The following TRPM7 variants were observed in gnomAD, a reference collection of about 807,000 sequenced individuals.
TRPM7 encodes transient receptor potential cation channel subfamily M member 7.
TRPM7 carries 134 observed loss-of-function variants against 229.7 expected under a neutral mutation model. The ratio of observed to expected loss-of-function variants is 0.58; its 90% CI spans 0.51 to 0.67. TRPM7 has a LOEUF of 0.67. Among genes scored for constraint, TRPM7 ranks in the 30% least tolerant of loss-of-function variants. The pLI is 0.00. For missense variants in TRPM7, 1,901 were observed against 2,210.0 expected (o/e 0.86, Z 2.80); for synonymous variants, 699 against 715.2 (o/e 0.98, Z 0.36).
chr15:50,608,277 G>T (rs1240995918), intron 19 of TRPM7, among the ~76,000 whole-genome samples: 1 of 152,088 alleles, frequency 6.6e-6, no homozygotes, highest in Non-Finnish European at 1.5e-5. Flanking sequence ...ATAAATACAT[G>T]TGAGTATTTA....
Position 50,587,342 on chromosome 15 carries a change from A to T in TRPM7, c.4390-854T>A, listed in dbSNP as rs117710436. On this transcript the variant is annotated intron_variant, in intron 27 of 38. Transcript: ENST00000646667. ...ACTTAAATCTCTACATTTTCCCTTA[A>T]TATTTTTCTATTATTTATGTGTTTG... 1.2e-3 allele frequency among the ~76,000 whole-genome samples: 181 copies of T among 146,804 alleles called. 2 individuals carry two copies. The East Asian group carries it at 0.031, about 25-fold the overall frequency.
chr15:50,653,752 CAAG>C (rs562933615), intron 3 of TRPM7, among the ~76,000 whole-genome samples: 376 of 152,050 alleles, frequency 2.5e-3, no homozygotes, highest in African/African-American at 8.7e-3. Context: ...GCTATAAAGA[CAAG>C]AAGGAAAAAA....
Position 50,637,433 on chromosome 15 carries a change from C to A in TRPM7, c.821G>T (p.Arg274Ile), listed in dbSNP as rs1388509156. ...GTGAATTCACTTACTAGCATGAATT[C>A]TTTGCTGATTAATAGTTTTTTCAAG... is the stretch of plus-strand genomic sequence containing the variant. ...RELEKTINQQ[R>I]IHARIGQGVP... Residue 274 changes from arginine (R) to isoleucine (I), a missense_variant, in exon 7 of 39, where the codon AGA becomes ATA. By Grantham distance (97) the Arg-to-Ile change is moderately conservative. This residue lies in a region of TRPM7 where 794 missense variants were observed against 881.9 expected (regional missense o/e 0.90). Transcript: ENST00000646667. The A allele has an allele frequency of 2.5e-6, 4 of 1,612,962 alleles. No individual in the cohort carries two copies. The highest frequency in any genetic ancestry group is 1.1e-5 in the South Asian group (1 of 90,792).
chr15:50,678,239 CAAAAAAAA>C (rs527874854), intron 1 of TRPM7, among the ~76,000 whole-genome samples: 1 of 92,080 alleles, frequency 1.1e-5, no homozygotes, highest in Non-Finnish European at 2.3e-5. Flanking sequence ...GACTCTCTCT[CAAAAAAAA>C]AAAACAAAAA....
chr15:50,561,452 T>C lies in TRPM7; in HGVS notation c.*226A>G. 2.2e-6 allele frequency: 1 copy of C among 450,702 alleles called. No individual in the cohort carries two copies. The highest frequency in any genetic ancestry group is 3.9e-6 in the Non-Finnish European group (1 of 258,010). The allele number at this position is 450,702 out of a possible 1,614,324, so 27.9% of individuals were successfully genotyped here. On this transcript the variant is annotated 3_prime_UTR_variant, in exon 39 of 39. Transcript: ENST00000646667. The stretch of plus-strand genomic sequence containing the variant: ...CCCTTTAAAAAGTTATAAATACTAA[T>C]TATCAATTACCTTTAAAATTTCTCA...
intron 2 of TRPM7, among the ~76,000 whole-genome samples, chr15:50,662,395 C>T (rs987166293): frequency 2.1e-4 from 32 of 151,186 alleles, no homozygotes; most frequent in Non-Finnish European, 4.6e-4. Context: ...ATGAGCTCAA[C>T]TTTTTCTTCA....
intron 22 of TRPM7, among the ~76,000 whole-genome samples, chr15:50,598,635 A>C (rs2059693755): frequency 6.6e-6 from 1 of 152,214 alleles, no homozygotes; most frequent in Non-Finnish European, 1.5e-5. Flanking sequence ...GCTGAAGCCA[A>C]CTCAAGCTAA....
intron 38 of TRPM7, 36 bp from the exon 39 acceptor site, chr15:50,561,844 AG>A (rs752157561): frequency 2.9e-6 from 4 of 1,396,662 alleles, no homozygotes; most frequent in Non-Finnish European, 1.9e-6. Flanking sequence ...AAAAAAAAAA[AG>A]AAAGAGAAAA....
In TRPM7 at chr15:50,574,941, G is replaced by T. The variant is rs746922502; in HGVS notation, c.4930C>A (p.Leu1644Ile). The change falls in exon 34 of 39, where the codon CTT becomes ATT. Residue 1644 changes from leucine (L) to isoleucine (I), a missense_variant. Physicochemically the swap from Leu to Ile is conservative, Grantham distance 5. This residue lies in a region of TRPM7 where 257 missense variants were observed against 352.0 expected (regional missense o/e 0.73). Coordinates refer to ENST00000646667, the MANE Select transcript of TRPM7 (RefSeq NM_017672.6). ...SEHDILKSGH[L>I]YIIKSFLPEV... Reference sequence around the variant, plus strand: ...GGAAGAAAAGATTTGATAATATAAAGATGCCCTGATTTGAGGATATCATGT... The same window carrying T: ...GGAAGAAAAGATTTGATAATATAAATATGCCCTGATTTGAGGATATCATGT... 3.1e-6 allele frequency: 5 copies of T among 1,614,048 alleles called. No individual in the cohort carries two copies. The highest frequency in any genetic ancestry group is 4.2e-6 in the Non-Finnish European group (5 of 1,179,954).
At chr15:50,653,157 A>G (rs62017199) in intron 3 of TRPM7, among the ~76,000 whole-genome samples, 22,101 of 152,128 alleles carry the variant, frequency 0.15, 2,203 homozygotes, top group Admixed American at 0.28. Context: ...ACTCCCCCCA[A>G]AAAGAAAAAA....
intron 2 of TRPM7, 105 bp downstream of exon 2, chr15:50,662,862 A>G: frequency 2.4e-6 from 2 of 820,936 alleles, no homozygotes; most frequent in Non-Finnish European, 2.0e-6. Context: ...AGTAACAGTA[A>G]GTACAAATAA....
chr15:50,594,732 A>G, intron 23 of TRPM7, 119 bp from the exon 24 acceptor site: 5 of 673,080 alleles, frequency 7.4e-6, no homozygotes, highest in East Asian at 2.9e-5. Context: ...ATCCTTCTGT[A>G]AACAAAACTA....
intron 1 of TRPM7, among the ~76,000 whole-genome samples, chr15:50,667,694 G>A (rs1245587662): frequency 1.3e-5 from 2 of 152,040 alleles, no homozygotes; most frequent in Non-Finnish European, 2.9e-5. Flanking sequence ...GCAACAGAAG[G>A]AGACTCCATC....
intron 36 of TRPM7, among the ~76,000 whole-genome samples, chr15:50,572,356 T>C (rs947823567): frequency 1.3e-5 from 2 of 152,170 alleles, no homozygotes; most frequent in Non-Finnish European, 1.5e-5. Flanking sequence ...CAGTTAGCAG[T>C]CATCAACATG....
intron 1 of TRPM7, among the ~76,000 whole-genome samples, chr15:50,665,335 A>G (rs903342202): frequency 1.3e-5 from 2 of 151,916 alleles, no homozygotes; most frequent in African/African-American, 2.4e-5. Flanking sequence ...CAGAGATTGC[A>G]GTGAGCCAAG....
At chr15:50,666,374 G>T (rs948507606) in intron 1 of TRPM7, among the ~76,000 whole-genome samples, 1 of 152,096 alleles carries the variant, frequency 6.6e-6, no homozygotes. Context: ...CAGGGAGCTC[G>T]AGGCTGCAGC....
chr15:50,563,605 G>A (rs1596040413), intron 38 of TRPM7, among the ~76,000 whole-genome samples: 2 of 152,164 alleles, frequency 1.3e-5, no homozygotes, highest in African/African-American at 4.8e-5. Flanking sequence ...TTAGGTTTTG[G>A]ACTTGAGCAA....
chr15:50,564,006 CTG>C (rs1203259678), intron 38 of TRPM7, among the ~76,000 whole-genome samples: 1 of 152,006 alleles, frequency 6.6e-6, no homozygotes, highest in Non-Finnish European at 1.5e-5. Flanking sequence ...GATTACAGGC[CTG>C]TGACACCACA....
chr15:50,569,310 T>C (rs1263028967), intron 38 of TRPM7, among the ~76,000 whole-genome samples: 1 of 152,224 alleles, frequency 6.6e-6, no homozygotes, highest in Non-Finnish European at 1.5e-5. Context: ...ATTCTCTGCA[T>C]ACAAAGATGA....
Sources: gnomAD v4.1 joint callset for allele counts (sites outside exome capture counted in the v4.1 genomes callset) on GRCh38, gnomAD v4.1.1 for gene constraint, gnomAD v4.1.1 regional missense constraint, MANE v1.5 for transcripts, NCBI Gene and HGNC (gene_info 2026-07-23, HGNC 2026-07-21) for gene names.